Variants in PXK observed in about 807,000 individuals in gnomAD.
The protein encoded by PXK is PX domain-containing protein kinase-like protein.
Under a neutral mutation model 84.7 loss-of-function variants are expected in PXK, and 35 were observed. The observed-to-expected ratio is 0.41, with a 90% CI of 0.32 to 0.55. PXK has a LOEUF of 0.55. Ranked by LOEUF, PXK falls within the 20% of genes least tolerant of loss-of-function variation. The pLI is 0.21. For missense variants in PXK, 634 were observed against 699.7 expected (o/e 0.91, Z 1.06); for synonymous variants, 253 against 260.8 (o/e 0.97, Z 0.29).
intron 1 of PXK, among the ~76,000 whole-genome samples, chr3:58,358,902 T>G (rs2098134104): frequency 6.6e-6 from 1 of 152,214 alleles, no homozygotes; most frequent in Admixed American, 6.5e-5. Flanking sequence ...CCAAATGCTT[T>G]CCCCAAACAT....
intron 17 of PXK, chr3:58,422,921 A>G (rs1372178972): frequency 1.0e-6 from 1 of 985,320 alleles, no homozygotes; most frequent in East Asian, 1.1e-4. Flanking sequence ...CCTGGGAGGC[A>G]GAAACCCTGG....
At chr3:58,415,126 GAC>G (rs1484741765) in intron 17 of PXK, among the ~76,000 whole-genome samples, 1 of 152,150 alleles carries the variant, frequency 6.6e-6, no homozygotes, top group Non-Finnish European at 1.5e-5. Context: ...AATCAACACA[GAC>G]AGACTTCTGT....
chr3:58,411,708 A>G lies in PXK; in HGVS notation c.1466-1193A>G, dbSNP rs532068780. ...GATACCCCAGTGCCCTCAGGAGTTT[A>G]GGAAAATGAAGTAGCAGTTGATGGA... On this transcript the variant is annotated intron_variant, in intron 16 of 17. Coordinates refer to ENST00000356151, the MANE Select transcript of PXK (RefSeq NM_017771.5). The surrounding 1 kb of genome is among the most constrained non-coding windows in gnomAD (Gnocchi z 4.2). 6.6e-6 allele frequency among the ~76,000 whole-genome samples: 1 copy of G among 152,318 alleles called. No homozygotes were observed. The highest frequency in any genetic ancestry group is 2.1e-4 in the South Asian group (1 of 4,830).
chr3:58,399,602 G>A lies in PXK; in HGVS notation c.1181+225G>A, dbSNP rs1014857636. Among the ~76,000 whole-genome samples the A allele has an allele frequency of 6.6e-5, 10 of 152,226 alleles. No individual in the cohort carries two copies. The East Asian group carries it at 7.7e-4, about 12-fold the overall frequency. The stretch of plus-strand genomic sequence containing the variant: ...CCTTTAACATCTGTGTCATTTTCAC[G>A]TGTATCTCCTCACTCAGCGTTAGCA... On this transcript the variant is annotated intron_variant, in intron 12 of 17. Transcript: ENST00000356151. The surrounding 1 kb of genome is among the most constrained non-coding windows in gnomAD (Gnocchi z 4.3).
In PXK at chr3:58,397,608, T is replaced by A. The variant is rs1483500868; in HGVS notation, c.988T>A (p.Leu330Met). ...YFSQFRKINT[L>M]ESVDVHCFGH... ...GCTGCTACTCTTTCTTCCACAGACA[T>A]TGGAAAGTGTGGATGTCCACTGCTT... Residue 330 changes from leucine (L) to methionine (M), a missense_variant, in exon 11 of 18, where the codon TTG (leucine) becomes ATG (methionine). Transcript: ENST00000356151. This position sits in a 1 kb window ranked among gnomAD's most constrained non-coding sequence, Gnocchi z 4.7. The A allele has an allele frequency of 6.2e-7, 1 of 1,611,296 alleles. No individual in the cohort carries two copies. Among genetic ancestry groups the A allele is most frequent in the African/African-American group, 1.3e-5 (1 of 75,002 alleles).
chr3:58,386,677 A>G (rs1316894457), intron 4 of PXK, among the ~76,000 whole-genome samples: 1 of 152,136 alleles, frequency 6.6e-6, no homozygotes, highest in African/African-American at 2.4e-5. Context: ...CTCAGTCCTT[A>G]TACCCTCTTG....
At position 58,412,767 on chromosome 3, in the gene PXK, C is replaced by A; in HGVS notation, c.1466-134C>A. The A allele has an allele frequency of 1.1e-6, 1 of 871,606 alleles. No individual in the cohort carries two copies. Among genetic ancestry groups the A allele is most frequent in the East Asian group, 2.5e-5 (1 of 40,778 alleles). The allele number at this position is 871,606 out of a possible 1,614,324, so 54.0% of individuals were successfully genotyped here. On this transcript the variant is annotated intron_variant, in intron 16 of 17. Transcript: ENST00000356151. The surrounding 1 kb of genome is among the most constrained non-coding windows in gnomAD (Gnocchi z 6.2). ...GGTCCGGTCTCTGAGTTTTTTGTCCCTCATCATCTTGTTTCACAAGGCTCA... is the reference window on the plus strand; with the variant it reads ...GGTCCGGTCTCTGAGTTTTTTGTCCATCATCATCTTGTTTCACAAGGCTCA...
chr3:58,425,554 A>C lies in PXK; in HGVS notation c.*594A>C, dbSNP rs1451188613. 6.5e-6 allele frequency: 1 copy of C among 153,870 alleles called. No individual in the cohort carries two copies. Among genetic ancestry groups the C allele is most frequent in the Admixed American group, 6.4e-5 (1 of 15,516 alleles). 9.5% of individuals were successfully genotyped at this position (153,870 alleles called of 1,614,324 possible). A position where few individuals can be genotyped will look rare whatever the true frequency, so the allele number is the denominator to read the frequency against. The stretch of plus-strand genomic sequence containing the variant: ...AACATTCTCTTAAGTTCTAACAGGA[A>C]TACCATTGTGGTTATAGAACTCAGG... On this transcript the variant is annotated 3_prime_UTR_variant, in exon 18 of 18. Coordinates refer to ENST00000356151, the MANE Select transcript of PXK (RefSeq NM_017771.5).
At chr3:58,423,809 CG>C (rs34350019) in intron 17 of PXK, among the ~76,000 whole-genome samples, 45,085 of 152,058 alleles carry the variant, frequency 0.3, 7,434 homozygotes, top group Middle Eastern at 0.39. Context: ...TTTCTGAACT[CG>C]GGTGTTTATT....
Position 58,424,753 on chromosome 3 carries a change from GA to G in PXK, c.1531del (p.Ile511TyrfsTer34). On this transcript the variant is annotated frameshift_variant and splice_region_variant, in exon 18 of 18. Coordinates refer to ENST00000356151, the MANE Select transcript of PXK (RefSeq NM_017771.5). LOFTEE classifies it high-confidence loss of function. ...GATTGTCCCCCTTTTCCTCCACAGG[GA>G]TATCTGCATTACCTCCACCTCCTCC... Reference protein sequence around the residue: ...SSPTPPSTSGISALPPPPPPP... With the variant: ...SSPTPPSTSGXSALPPPPPPP... The G allele has an allele frequency of 6.2e-7, 1 of 1,613,218 alleles. No homozygotes were observed. The highest frequency in any genetic ancestry group is 8.5e-7 in the Non-Finnish European group (1 of 1,179,838).
chr3:58,388,664 CATCACAT>C (rs5849251), intron 4 of PXK, among the ~76,000 whole-genome samples: 115,342 of 151,276 alleles, frequency 0.76, 44,100 homozygotes, highest in South Asian at 0.82. Context: ...TGTATTTGGT[CATCACAT>C]ATCACATCAC....
Position 58,400,480 on chromosome 3 carries a change from A to G in PXK, c.1181+1103A>G, listed in dbSNP as rs1039220655. ...TCTTTCTTTCCACAAGTGTTTAGAG[A>G]GGGCCTTCTGGAGGCCAGCTGCTGT... is the stretch of plus-strand genomic sequence containing the variant. On this transcript the variant is annotated intron_variant, in intron 12 of 17. Coordinates refer to ENST00000356151, the MANE Select transcript of PXK (RefSeq NM_017771.5). The surrounding 1 kb of genome is among the most constrained non-coding windows in gnomAD (Gnocchi z 4.0). Among the ~76,000 whole-genome samples, 1 of 152,172 alleles carries G rather than the reference A, an allele frequency of 6.6e-6. No individual in the cohort carries two copies. Among genetic ancestry groups the G allele is most frequent in the Non-Finnish European group, 1.5e-5 (1 of 68,024 alleles).
At chr3:58,419,440 A>C (rs1430009989) in intron 17 of PXK, among the ~76,000 whole-genome samples, 1 of 152,188 alleles carries the variant, frequency 6.6e-6, no homozygotes, top group African/African-American at 2.4e-5. Flanking sequence ...TTTAGTAGAC[A>C]CAGGGTTTCG....
At position 58,397,879 on chromosome 3, in the gene PXK, C is replaced by T. The variant is rs1249761826; in HGVS notation, c.1102+157C>T. ...AAGTAGACCAAATTTGAGTAGTTTA[C>T]TTAAATACACTTCTGTGAAAATTCA... On this transcript the variant is annotated intron_variant, in intron 11 of 17. Coordinates refer to ENST00000356151, the MANE Select transcript of PXK (RefSeq NM_017771.5). This position sits in a 1 kb window ranked among gnomAD's most constrained non-coding sequence, Gnocchi z 4.7. Among the ~76,000 whole-genome samples the T allele has an allele frequency of 6.6e-6, 1 of 152,204 alleles. No individual in the cohort carries two copies. Among genetic ancestry groups the T allele is most frequent in the African/African-American group, 2.4e-5 (1 of 41,446 alleles).
intron 1 of PXK, among the ~76,000 whole-genome samples, chr3:58,345,215 A>T (rs2063644): frequency 0.24 from 35,941 of 152,022 alleles, 4,397 homozygotes; most frequent in African/African-American, 0.29. Flanking sequence ...CCTGGGGCTT[A>T]GGGAACTCGG....
chr3:58,395,601 T>C, intron 8 of PXK, 57 bp from the exon 9 acceptor site: 3 of 1,319,364 alleles, frequency 2.3e-6, no homozygotes, highest in Non-Finnish European at 3.3e-6. Context: ...AGGGAGTCTG[T>C]GTGCAGATAT....
intron 1 of PXK, among the ~76,000 whole-genome samples, chr3:58,361,350 A>G (rs77941991): frequency 0.014 from 2,101 of 151,278 alleles, 60 homozygotes; most frequent in African/African-American, 0.048. Context: ...CCTTTACTCA[A>G]TTTTCTCCAA....
At chr3:58,351,395 T>TTGTGTGTGTG (rs57349140) in intron 1 of PXK, among the ~76,000 whole-genome samples, 5,234 of 140,564 alleles carry the variant, frequency 0.037, 272 homozygotes, top group East Asian at 0.26. Flanking sequence ...AGCTAGCTAT[T>TTGTGTGTGTG]TGTGTGTGTG....
At chr3:58,353,822 G>A (rs190176233) in intron 1 of PXK, among the ~76,000 whole-genome samples, 1 of 152,308 alleles carries the variant, frequency 6.6e-6, no homozygotes, top group East Asian at 1.9e-4. Flanking sequence ...GGTAGAGGAG[G>A]GTTTGCATGG....
Sources: gnomAD v4.1 joint callset for allele counts (sites outside exome capture counted in the v4.1 genomes callset) on GRCh38, gnomAD v4.1.1 for gene constraint, Gnocchi (gnomAD v3.1) non-coding constraint, MANE v1.5 for transcripts, NCBI Gene and HGNC (gene_info 2026-07-23, HGNC 2026-07-21) for gene names.